Variants in IPMK observed in about 807,000 individuals in gnomAD.
IPMK encodes the protein inositol 1,3,4,6-tetrakisphosphate 5-kinase.
Under a neutral mutation model 45.8 loss-of-function variants are expected in IPMK, and 17 were observed. That is an observed-to-expected ratio of 0.37 (90% CI 0.25 to 0.56). The LOEUF is 0.56. IPMK is among the 20% of genes least tolerant of loss of function. The probability of loss-of-function intolerance (pLI) is 0.79; values close to 1 mark genes in which losing one functional copy is unlikely to be tolerated. For synonymous variants in IPMK, 180 were observed against 184.3 expected, an observed-to-expected ratio of 0.98 and a Z score of 0.19; for missense variants, 399 against 498.0, an observed-to-expected ratio of 0.80 and a Z score of 1.89.
intron 1 of IPMK, among the ~76,000 whole-genome samples, chr10:58,240,429 T>C (rs1838679619): frequency 6.6e-6 from 1 of 151,914 alleles, no homozygotes; most frequent in Non-Finnish European, 1.5e-5. Flanking sequence ...CAAGAGTTTT[T>C]AACAAATGTG....
intron 1 of IPMK, among the ~76,000 whole-genome samples, chr10:58,251,256 T>G (rs1564539601): frequency 6.6e-6 from 1 of 152,222 alleles, no homozygotes; most frequent in Non-Finnish European, 1.5e-5. Context: ...CTCCATTCAT[T>G]GTTCAGGAGC....
chr10:58,254,314 G>C (rs961594060), intron 1 of IPMK, among the ~76,000 whole-genome samples: 2 of 151,938 alleles, frequency 1.3e-5, no homozygotes, highest in Admixed American at 6.6e-5. Flanking sequence ...CATCAAGTTT[G>C]CTGTCAAAAC....
intron 4 of IPMK, among the ~76,000 whole-genome samples, chr10:58,210,549 G>A (rs1486646591): frequency 6.6e-6 from 1 of 152,174 alleles, no homozygotes; most frequent in African/African-American, 2.4e-5. Flanking sequence ...TAATTCCGCT[G>A]GCTGCCTTCC....
intron 2 of IPMK, 99 bp from the exon 3 acceptor site, chr10:58,227,238 G>T: frequency 1.2e-6 from 1 of 868,566 alleles, no homozygotes; most frequent in Non-Finnish European, 1.8e-6. Flanking sequence ...TAATTCATCT[G>T]GTATGGCTTC....
intron 4 of IPMK, among the ~76,000 whole-genome samples, chr10:58,211,878 C>T (rs917681440): frequency 8.4e-6 from 1 of 118,762 alleles, no homozygotes; most frequent in Non-Finnish European, 1.7e-5. Flanking sequence ...TGCCACTGCA[C>T]TCCAGCCTGG....
intron 1 of IPMK, 59 bp from the exon 2 acceptor site, chr10:58,237,873 T>C: frequency 8.1e-7 from 1 of 1,234,662 alleles, no homozygotes; most frequent in African/African-American, 1.5e-5. Flanking sequence ...CTTGCTTCAT[T>C]AAATAGATTA....
intron 1 of IPMK, among the ~76,000 whole-genome samples, chr10:58,243,633 G>A (rs1034718691): frequency 2.6e-5 from 4 of 152,258 alleles, no homozygotes; most frequent in Non-Finnish European, 5.9e-5. Context: ...GCCTCCCGAG[G>A]TGCTGGGATT....
chr10:58,244,993 A>T (rs1588968536), intron 1 of IPMK, among the ~76,000 whole-genome samples: 1 of 151,438 alleles, frequency 6.6e-6, no homozygotes, highest in East Asian at 1.9e-4. Flanking sequence ...TTATCCTATG[A>T]CCCTGCCACA....
At chr10:58,202,523 G>A (rs547116520) in intron 4 of IPMK, among the ~76,000 whole-genome samples, 5 of 152,114 alleles carry the variant, frequency 3.3e-5, no homozygotes, top group Admixed American at 6.5e-5. Flanking sequence ...AAATTAGTTG[G>A]GTGTGGTGGC....
chr10:58,210,614 G>A (rs189691748), intron 4 of IPMK, among the ~76,000 whole-genome samples: 1 of 152,302 alleles, frequency 6.6e-6, no homozygotes, highest in East Asian at 1.9e-4. Context: ...TTGCGCTGGA[G>A]ACTGGGAGTA....
chr10:58,243,378 C>A (rs1334456753), intron 1 of IPMK, among the ~76,000 whole-genome samples: 1 of 152,154 alleles, frequency 6.6e-6, no homozygotes, highest in Admixed American at 6.5e-5. Flanking sequence ...AATCCCTCTC[C>A]CTCTCCCTCT....
intron 1 of IPMK, among the ~76,000 whole-genome samples, chr10:58,251,531 T>G (rs1374385646): frequency 6.6e-6 from 1 of 152,206 alleles, no homozygotes; most frequent in Non-Finnish European, 1.5e-5. Context: ...CTCTGGAGAC[T>G]GTGGATTTTC....
In IPMK at chr10:58,263,914, G is replaced by A. The variant is rs58850808; in HGVS notation, c.190+3508C>T. On this transcript the variant is annotated intron_variant, in intron 1 of 5. Transcript: ENST00000373935. Reference sequence around the variant, plus strand: ...TCTTCAAAATGACAATGTCATAAAGGACAGGGAAAGGCTGAGGATATGTTA... The same window carrying A: ...TCTTCAAAATGACAATGTCATAAAGAACAGGGAAAGGCTGAGGATATGTTA... Among the ~76,000 whole-genome samples, 1,522 of 152,258 alleles carry A rather than the reference G, an allele frequency of 1.0e-2. 21 individuals are homozygous for A. The highest frequency in any genetic ancestry group is 0.034 in the African/African-American group (1,404 of 41,546).
chr10:58,218,170 T>C (rs1351883495), intron 3 of IPMK, among the ~76,000 whole-genome samples: 1 of 152,234 alleles, frequency 6.6e-6, no homozygotes, highest in African/African-American at 2.4e-5. Context: ...GGAGAAGCAC[T>C]GACACACCCA....
At chr10:58,231,374 T>C (rs957207050) in intron 2 of IPMK, among the ~76,000 whole-genome samples, 1 of 151,988 alleles carries the variant, frequency 6.6e-6, no homozygotes, top group African/African-American at 2.4e-5. Flanking sequence ...GACACATAAT[T>C]GTCAGATTCA....
At chr10:58,240,628 CT>C (rs1838682953) in intron 1 of IPMK, among the ~76,000 whole-genome samples, 1 of 145,078 alleles carries the variant, frequency 6.9e-6, no homozygotes, top group Non-Finnish European at 1.5e-5. Context: ...AACCAACAGA[CT>C]TGAAATCTAA....
At chr10:58,246,845 A>G (rs1470219345) in intron 1 of IPMK, among the ~76,000 whole-genome samples, 1 of 151,734 alleles carries the variant, frequency 6.6e-6, no homozygotes. Flanking sequence ...AGCAAAAGAC[A>G]CTACCATCAG....
Position 58,236,829 on chromosome 10 carries a change from A to T in IPMK, c.276+900T>A, listed in dbSNP as rs1310108974. 5.9e-5 allele frequency among the ~76,000 whole-genome samples: 9 copies of T among 151,860 alleles called. 1 individual carries two copies. ...GTGGGGAGGTTGGGTTGGGGTGGGG[A>T]GATGCTGAGGTAAGAGGATCACTTG... On this transcript the variant is annotated intron_variant, in intron 2 of 5. Coordinates refer to ENST00000373935, the MANE Select transcript of IPMK (RefSeq NM_152230.5).
chr10:58,213,708 A>AT (rs1185403092), intron 4 of IPMK, among the ~76,000 whole-genome samples: 1 of 149,954 alleles, frequency 6.7e-6, no homozygotes, highest in Non-Finnish European at 1.5e-5. Flanking sequence ...AAAAAAAAAA[A>AT]GAAAAAATAG....
Sources: gnomAD v4.1 joint callset for allele counts (sites outside exome capture counted in the v4.1 genomes callset) on GRCh38, gnomAD v4.1.1 for gene constraint, MANE v1.5 for transcripts, NCBI Gene and HGNC (gene_info 2026-07-23, HGNC 2026-07-21) for gene names.